Variants in TANGO6 observed in about 807,000 individuals in gnomAD.
The protein encoded by TANGO6 is transport and Golgi organization protein 6 homolog.
A neutral mutation model predicts 114.2 loss-of-function variants in TANGO6; 90 were observed. That is an observed-to-expected ratio of 0.79 (90% CI 0.66 to 0.94). The LOEUF (loss-of-function observed/expected upper bound fraction) is 0.94. Among genes scored for constraint, TANGO6 ranks in the 40% least tolerant of loss-of-function variants. The pLI is 0.00. For missense variants in TANGO6, 1,274 were observed against 1,315.3 expected (o/e 0.97, Z 0.49); for synonymous variants, 477 against 509.8 (o/e 0.94, Z 0.87).
chr16:68,892,186 T>C (rs1004592977), intron 7 of TANGO6, among the ~76,000 whole-genome samples: 1 of 152,200 alleles, frequency 6.6e-6, no homozygotes, highest in African/African-American at 2.4e-5. Flanking sequence ...CCTAGTCAAG[T>C]AGACAAAGAG....
chr16:69,015,815 A>C (rs1405606409), intron 15 of TANGO6, among the ~76,000 whole-genome samples: 1 of 152,150 alleles, frequency 6.6e-6, no homozygotes, highest in African/African-American at 2.4e-5. Context: ...GCTGGAGCTC[A>C]GTTAGGGCAG....
chr16:68,874,662 G>A (rs543122684), intron 4 of TANGO6, among the ~76,000 whole-genome samples: 16 of 151,914 alleles, frequency 1.1e-4, no homozygotes, highest in Non-Finnish European at 2.2e-4. Flanking sequence ...CAAAAGGAAC[G>A]TATAGGCCAG....
At chr16:68,920,899 G>A (rs937462851) in intron 12 of TANGO6, among the ~76,000 whole-genome samples, 9 of 151,818 alleles carry the variant, frequency 5.9e-5, no homozygotes, top group African/African-American at 2.2e-4. Flanking sequence ...GGATCAGGAG[G>A]TCAGGAGATC....
At chr16:68,880,293 T>G (rs1962438527) in intron 6 of TANGO6, among the ~76,000 whole-genome samples, 1 of 152,164 alleles carries the variant, frequency 6.6e-6, no homozygotes, top group African/African-American at 2.4e-5. Flanking sequence ...TTCTAAGTGA[T>G]AATGTGCTAT....
Position 68,880,536 on chromosome 16 carries a change from T to C in TANGO6, c.1295-12T>C, listed in dbSNP as rs1962443774. On this transcript the variant is annotated splice_polypyrimidine_tract_variant and intron_variant, in intron 6 of 17. Coordinates refer to ENST00000261778, the MANE Select transcript of TANGO6 (RefSeq NM_024562.2). ...CACTAAATATGGGTAATTTTGTGTG[T>C]TTATTTTCTAGAGCTTTCAGAGAGT... The C allele has an allele frequency of 6.2e-7, 1 of 1,607,534 alleles. No homozygotes were observed. The highest frequency in any genetic ancestry group is 8.5e-7 in the Non-Finnish European group (1 of 1,177,030).
At chr16:68,922,103 G>T (rs1963101642) in intron 12 of TANGO6, among the ~76,000 whole-genome samples, 1 of 151,974 alleles carries the variant, frequency 6.6e-6, no homozygotes, top group Non-Finnish European at 1.5e-5. Flanking sequence ...TATTAAAAAA[G>T]AATCTAACAT....
chr16:68,989,251 AT>A (rs1014722319), intron 15 of TANGO6, among the ~76,000 whole-genome samples: 2 of 150,996 alleles, frequency 1.3e-5, no homozygotes, highest in Admixed American at 1.3e-4. Flanking sequence ...CATATATTAG[AT>A]TTTTTTGTTC....
chr16:68,910,745 C>T (rs1019640630), intron 11 of TANGO6, among the ~76,000 whole-genome samples: 31 of 152,122 alleles, frequency 2.0e-4, no homozygotes, highest in African/African-American at 7.2e-4. Context: ...GGCGCAGTCT[C>T]GGCTCACTGC....
At chr16:68,860,669 T>G in intron 2 of TANGO6, 145 bp downstream of exon 2, 2 of 1,137,506 alleles carry the variant, frequency 1.8e-6, no homozygotes, top group South Asian at 3.3e-5. Flanking sequence ...AATGAATCTT[T>G]TGGGGGTGGG....
intron 1 of TANGO6, among the ~76,000 whole-genome samples, chr16:68,858,942 T>A (rs1962043507): frequency 6.6e-6 from 1 of 152,236 alleles, no homozygotes; most frequent in South Asian, 2.1e-4. Flanking sequence ...ATTGTTTAAT[T>A]TCCAAACATT....
intron 11 of TANGO6, among the ~76,000 whole-genome samples, chr16:68,917,698 C>T (rs1445306111): frequency 3.9e-5 from 6 of 151,990 alleles, no homozygotes; most frequent in African/African-American, 7.3e-5. Flanking sequence ...GCTTTTTTGC[C>T]GTCTGTATAT....
At chr16:68,858,389 C>T (rs946244084) in intron 1 of TANGO6, among the ~76,000 whole-genome samples, 1 of 152,086 alleles carries the variant, frequency 6.6e-6, no homozygotes, top group East Asian at 1.9e-4. Flanking sequence ...ACAAATTTAA[C>T]TATCTAATAC....
At chr16:68,861,931 A>C (rs1962097726) in intron 2 of TANGO6, among the ~76,000 whole-genome samples, 1 of 152,202 alleles carries the variant, frequency 6.6e-6, no homozygotes, top group African/African-American at 2.4e-5. Context: ...AGAGTTAAGA[A>C]GAGTAAGAGA....
At chr16:69,058,990 C>T (rs557616901) in intron 17 of TANGO6, among the ~76,000 whole-genome samples, 7 of 151,984 alleles carry the variant, frequency 4.6e-5, no homozygotes, top group African/African-American at 1.7e-4. Context: ...TCACTGCAAC[C>T]TCTGCCTCCC....
At chr16:68,936,146 T>C (rs1191653457) in intron 14 of TANGO6, among the ~76,000 whole-genome samples, 1 of 152,154 alleles carries the variant, frequency 6.6e-6, no homozygotes, top group African/African-American at 2.4e-5. Context: ...ATTGCACCAC[T>C]GCACTCCATC....
chr16:69,065,517 C>T (rs1239199375), intron 17 of TANGO6, among the ~76,000 whole-genome samples: 1 of 152,174 alleles, frequency 6.6e-6, no homozygotes. Flanking sequence ...ATCTCCTTTC[C>T]ACCCCATCTC....
chr16:69,060,519 C>T (rs72789213), intron 17 of TANGO6, among the ~76,000 whole-genome samples: 13,323 of 151,324 alleles, frequency 0.088, 657 homozygotes, highest in South Asian at 0.18. Flanking sequence ...CACATGAGCC[C>T]GGGAGTTGAA....
At chr16:68,854,508 T>C (rs1961954617) in intron 1 of TANGO6, among the ~76,000 whole-genome samples, 2 of 152,082 alleles carry the variant, frequency 1.3e-5, no homozygotes, top group African/African-American at 4.8e-5. Flanking sequence ...TACTCTAGGA[T>C]CATAAAAGAC....
intron 14 of TANGO6, among the ~76,000 whole-genome samples, chr16:68,962,697 G>A (rs1393675103): frequency 6.6e-6 from 1 of 151,190 alleles, no homozygotes; most frequent in South Asian, 2.1e-4. Flanking sequence ...GGAGGCAGAG[G>A]TTGTGGTGAG....
Sources: gnomAD v4.1 joint callset for allele counts (sites outside exome capture counted in the v4.1 genomes callset) on GRCh38, gnomAD v4.1.1 for gene constraint, MANE v1.5 for transcripts, NCBI Gene and HGNC (gene_info 2026-07-23, HGNC 2026-07-21) for gene names.